CNTN5: variants seen among roughly 807,000 people sequenced by gnomAD.
CNTN5 encodes contactin 5.
A neutral mutation model predicts 129.1 loss-of-function variants in CNTN5; 77 were observed. The ratio of observed to expected loss-of-function variants is 0.60; its 90% CI spans 0.50 to 0.72. CNTN5 has a LOEUF of 0.72. Among genes scored for constraint, CNTN5 ranks in the 30% least tolerant of loss-of-function variants. The pLI is 0.00. For synonymous variants in CNTN5, 509 were observed against 465.6 expected, an observed-to-expected ratio of 1.09 and a Z score of -1.20; for missense variants, 1,478 against 1,328.8, an observed-to-expected ratio of 1.11 and a Z score of -1.75.
At chr11:99,304,817 A>G (rs1449222956) in intron 1 of CNTN5, among the ~76,000 whole-genome samples, 3 of 152,194 alleles carry the variant, frequency 2.0e-5, no homozygotes, top group African/African-American at 7.2e-5. Context: ...TGAGGTTCAC[A>G]AGGCCTTTGC....
At chr11:99,508,483 TGG>T (rs1946708973) in intron 2 of CNTN5, among the ~76,000 whole-genome samples, 1 of 152,176 alleles carries the variant, frequency 6.6e-6, no homozygotes, top group Non-Finnish European at 1.5e-5. Flanking sequence ...TACTGAGTGC[TGG>T]CTGTACTACC....
At chr11:99,777,399 T>A (rs374995966) in intron 3 of CNTN5, among the ~76,000 whole-genome samples, 43 of 151,902 alleles carry the variant, frequency 2.8e-4, no homozygotes, top group African/African-American at 9.4e-4. Context: ...TCTAGGCAAA[T>A]TGGTCTGGCA....
At chr11:99,165,730 T>C (rs1860835516) in intron 1 of CNTN5, among the ~76,000 whole-genome samples, 1 of 152,188 alleles carries the variant, frequency 6.6e-6, no homozygotes, top group Non-Finnish European at 1.5e-5. Context: ...CCATGGTTAA[T>C]GTTGGTTTCC....
Position 99,831,400 on chromosome 11 carries a change from G to C in CNTN5, c.277+11635G>C, listed in dbSNP as rs138398191. On this transcript the variant is annotated intron_variant, in intron 4 of 24. Coordinates refer to ENST00000524871, the MANE Select transcript of CNTN5 (RefSeq NM_014361.4). ...GAGGCAAAATTTCATAGCTCAATTC[G>C]TTCAACTTTCGAAGTATTGCTTGTG... is the stretch of plus-strand genomic sequence containing the variant. Among the ~76,000 whole-genome samples the C allele has an allele frequency of 4.6e-5, 7 of 152,220 alleles. No homozygotes were observed. The South Asian group carries it at 1.2e-3, about 27-fold the overall frequency.
intron 3 of CNTN5, among the ~76,000 whole-genome samples, chr11:99,801,208 A>G (rs1352839203): frequency 1.3e-5 from 2 of 152,216 alleles, no homozygotes; most frequent in Non-Finnish European, 2.9e-5. Flanking sequence ...TTGGTGAGAT[A>G]TGAAATTCTT....
chr11:100,108,653 C>T (rs1429482275), intron 13 of CNTN5, among the ~76,000 whole-genome samples: 1 of 152,066 alleles, frequency 6.6e-6, no homozygotes, highest in Non-Finnish European at 1.5e-5. Context: ...CATACATGCC[C>T]TCATTGATGC....
chr11:99,639,145 C>T (rs1259743456), intron 3 of CNTN5, among the ~76,000 whole-genome samples: 1 of 152,244 alleles, frequency 6.6e-6, no homozygotes, highest in African/African-American at 2.4e-5. Flanking sequence ...CACGTGGACA[C>T]TGCCAAGGCT....
intron 13 of CNTN5, among the ~76,000 whole-genome samples, chr11:100,091,272 A>G (rs913930065): frequency 4.0e-5 from 6 of 151,214 alleles, no homozygotes; most frequent in Non-Finnish European, 1.5e-5. Context: ...TCTAGGTCTC[A>G]GGTCAAATGT....
At chr11:100,094,594 C>A (rs1459474161) in intron 13 of CNTN5, among the ~76,000 whole-genome samples, 2 of 151,894 alleles carry the variant, frequency 1.3e-5, no homozygotes, top group Non-Finnish European at 2.9e-5. Flanking sequence ...CTGAGTACCT[C>A]TTTTCTAATT....
At chr11:99,487,449 C>G (rs1945861373) in intron 2 of CNTN5, among the ~76,000 whole-genome samples, 1 of 152,166 alleles carries the variant, frequency 6.6e-6, no homozygotes. Context: ...AAGATCTTAT[C>G]AGTGCATAAA....
chr11:100,088,151 G>T (rs745846368), intron 13 of CNTN5, among the ~76,000 whole-genome samples: 13 of 151,200 alleles, frequency 8.6e-5, no homozygotes, highest in Admixed American at 5.3e-4. Flanking sequence ...CAATCACACA[G>T]ACATACATAA....
intron 3 of CNTN5, among the ~76,000 whole-genome samples, chr11:99,769,341 A>T (rs1944865686): frequency 6.6e-6 from 1 of 152,118 alleles, no homozygotes; most frequent in Non-Finnish European, 1.5e-5. Flanking sequence ...TGAGTATGAG[A>T]TATGCTCATT....
chr11:99,325,623 T>A (rs1865751764), intron 2 of CNTN5, 139 bp downstream of exon 2: 1 of 152,234 alleles, frequency 6.6e-6, no homozygotes, highest in Admixed American at 6.5e-5. Flanking sequence ...TTTCTCAAAT[T>A]AAGTGATTTG....
chr11:100,139,583 G>C (rs539768824), intron 13 of CNTN5, among the ~76,000 whole-genome samples: 26 of 152,262 alleles, frequency 1.7e-4, no homozygotes, highest in African/African-American at 6.0e-4. Flanking sequence ...TAGGATAATG[G>C]CCAGGTGTGG....
chr11:99,895,501 G>T (rs938208283), intron 6 of CNTN5, among the ~76,000 whole-genome samples: 1 of 152,174 alleles, frequency 6.6e-6, no homozygotes, highest in Non-Finnish European at 1.5e-5. Context: ...CACTTCAAGT[G>T]GATTATCTAA....
chr11:99,261,836 A>G (rs1862643043), intron 1 of CNTN5, among the ~76,000 whole-genome samples: 1 of 151,998 alleles, frequency 6.6e-6, no homozygotes, highest in South Asian at 2.1e-4. Context: ...CTTTCAGTAC[A>G]ATCTGATTGA....
At chr11:99,301,710 A>G (rs1864647313) in intron 1 of CNTN5, among the ~76,000 whole-genome samples, 1 of 151,754 alleles carries the variant, frequency 6.6e-6, no homozygotes, top group South Asian at 2.1e-4. Flanking sequence ...AAAGTAGAAG[A>G]CATGTACAAT....
rs537027543 is a variant in CNTN5 at position 99,983,401 on chromosome 11, CAAGAG to C, written c.878-18629_878-18625del. Among the ~76,000 whole-genome samples the C allele has an allele frequency of 2.6e-3, 392 of 152,234 alleles. 1 individual carries two copies. The highest frequency in any genetic ancestry group is 9.1e-3 in the African/African-American group (378 of 41,538). On this transcript the variant is annotated intron_variant, in intron 8 of 24. Transcript: ENST00000524871. ...GAGGTATCAGTAAGTATAGGACTGACAAGAGAAGTAAAATCCAAATTTGGATGGGC... is the reference window on the plus strand; with the variant it reads ...GAGGTATCAGTAAGTATAGGACTGACAAGTAAAATCCAAATTTGGATGGGC...
intron 1 of CNTN5, among the ~76,000 whole-genome samples, chr11:99,098,011 A>G (rs77493956): frequency 1.3e-5 from 2 of 152,072 alleles, no homozygotes; most frequent in East Asian, 1.9e-4. Context: ...TTAAGCCTCA[A>G]TAAATTTGCT....
Sources: gnomAD v4.1 joint callset for allele counts (sites outside exome capture counted in the v4.1 genomes callset) on GRCh38, gnomAD v4.1.1 for gene constraint, MANE v1.5 for transcripts, NCBI Gene and HGNC (gene_info 2026-07-23, HGNC 2026-07-21) for gene names.